The following PIK3C2A variants were observed in gnomAD, a reference collection of about 807,000 sequenced individuals.
PIK3C2A encodes phosphatidylinositol-4-phosphate 3-kinase catalytic subunit type 2 alpha.
PIK3C2A carries 97 observed loss-of-function variants against 204.5 expected under a neutral mutation model. The observed-to-expected ratio is 0.47, with a 90% CI of 0.40 to 0.56. The LOEUF (loss-of-function observed/expected upper bound fraction) is 0.56, where lower values mean the gene tolerates loss of function less well. PIK3C2A is among the 20% of genes least tolerant of loss of function. The pLI, the probability that PIK3C2A is intolerant of heterozygous loss-of-function variation, is 0.00. For missense variants in PIK3C2A, 1,735 were observed against 1,969.2 expected, an observed-to-expected ratio of 0.88 and a Z score of 2.25; for synonymous variants, 653 against 664.4, an observed-to-expected ratio of 0.98 and a Z score of 0.26.
intron 1 of PIK3C2A, among the ~76,000 whole-genome samples, chr11:17,176,195 T>TG (rs1405981200): frequency 1.3e-4 from 19 of 151,562 alleles, no homozygotes; most frequent in African/African-American, 4.6e-4. Flanking sequence ...TTAGTAGAGA[T>TG]GGGGTTTCAC....
At chr11:17,162,810 T>G (rs1030024411) in intron 2 of PIK3C2A, among the ~76,000 whole-genome samples, 1 of 152,208 alleles carries the variant, frequency 6.6e-6, no homozygotes, top group African/African-American at 2.4e-5. Flanking sequence ...GTTAAATATG[T>G]CTAAAGTTTT....
intron 4 of PIK3C2A, among the ~76,000 whole-genome samples, chr11:17,149,438 C>A (rs1850357691): frequency 6.6e-6 from 1 of 152,036 alleles, no homozygotes; most frequent in Non-Finnish European, 1.5e-5. Flanking sequence ...ATTTGAGCAT[C>A]CTGGGATTTT....
intron 1 of PIK3C2A, among the ~76,000 whole-genome samples, chr11:17,179,938 A>G (rs1450138713): frequency 8.5e-5 from 13 of 152,216 alleles, no homozygotes. Flanking sequence ...TTCTATCATG[A>G]AAACAAGACA....
At chr11:17,101,770 A>C in intron 24 of PIK3C2A, among the ~76,000 whole-genome samples, 1 of 151,346 alleles carries the variant, frequency 6.6e-6, no homozygotes, top group African/African-American at 2.4e-5. Context: ...CGCCCGGCTA[A>C]TTTTTTGTAT....
chr11:17,202,720 A>T (rs1852432450), intron 1 of PIK3C2A, among the ~76,000 whole-genome samples: 1 of 152,236 alleles, frequency 6.6e-6, no homozygotes, highest in Admixed American at 6.5e-5. Flanking sequence ...CACAGGTAAT[A>T]AGGTCTTGGA....
chr11:17,096,910 G>T, intron 27 of PIK3C2A, 147 bp downstream of exon 27: 1 of 583,080 alleles, frequency 1.7e-6, no homozygotes, highest in Non-Finnish European at 3.0e-6. Context: ...GATGCTTCAA[G>T]TACATTTACT....
At chr11:17,195,608 G>A (rs1852122203) in intron 1 of PIK3C2A, among the ~76,000 whole-genome samples, 1 of 151,526 alleles carries the variant, frequency 6.6e-6, no homozygotes, top group Admixed American at 6.6e-5. Context: ...CATAGCAGTC[G>A]TTGTTGCTGT....
chr11:17,193,622 T>G, intron 1 of PIK3C2A: 10 of 308,036 alleles, frequency 3.2e-5, no homozygotes, highest in South Asian at 2.6e-4. Context: ...CCAAGGCGGG[T>G]GGATCACGAG....
intron 16 of PIK3C2A, 26 bp from the exon 17 acceptor site, chr11:17,119,339 T>C (rs760617671): frequency 1.5e-6 from 2 of 1,337,488 alleles, no homozygotes; most frequent in Middle Eastern, 1.8e-4. Context: ...AAAACCAAGA[T>C]TGGACAGTGA....
In PIK3C2A at chr11:17,088,960, A is replaced by G. The variant is rs529614912; in HGVS notation, c.*778T>C. On this transcript the variant is annotated 3_prime_UTR_variant, in exon 33 of 33. Transcript: ENST00000691414. ...TTAACTATTTAGATAACTAATTCAT[A>G]CATCAGAAGTAAAGGATTTTTTTGT... 2.0e-5 allele frequency: 3 copies of G among 152,390 alleles called. No homozygotes were observed. The South Asian group carries it at 6.2e-4, about 32-fold the overall frequency. The allele number at this position is 152,390 out of a possible 1,614,324, so 9.4% of individuals were successfully genotyped here.
chr11:17,138,325 CTTTTTT>C, intron 8 of PIK3C2A: 1 of 350,602 alleles, frequency 2.9e-6, no homozygotes, highest in South Asian at 3.5e-5. Context: ...AGCCAGCTTC[CTTTTTT>C]TTTTTTTTTT....
intron 1 of PIK3C2A, among the ~76,000 whole-genome samples, chr11:17,176,450 G>GTAAA (rs147139765): frequency 1.7e-4 from 25 of 150,616 alleles, no homozygotes; most frequent in African/African-American, 5.6e-4. Context: ...CCCTATCTCT[G>GTAAA]TAAATAAATA....
intron 20 of PIK3C2A, among the ~76,000 whole-genome samples, chr11:17,112,959 G>A (rs1173294852): frequency 1.3e-5 from 2 of 151,584 alleles, no homozygotes; most frequent in African/African-American, 2.4e-5. Flanking sequence ...CTAAACACCT[G>A]TTCCTTTGAA....
intron 20 of PIK3C2A, among the ~76,000 whole-genome samples, chr11:17,113,230 CT>C: frequency 6.6e-6 from 1 of 152,172 alleles, no homozygotes; most frequent in East Asian, 1.9e-4. Flanking sequence ...CGCAAAAATA[CT>C]TTTTGAAACT....
chr11:17,148,343 A>C (rs1850315398), intron 5 of PIK3C2A: 1 of 199,696 alleles, frequency 5.0e-6, no homozygotes, highest in Admixed American at 5.5e-5. Context: ...AGAGGAATAT[A>C]GTCTATAATG....
chr11:17,150,404 C>T, intron 4 of PIK3C2A, 94 bp downstream of exon 4: 1 of 1,131,762 alleles, frequency 8.8e-7, no homozygotes, highest in Non-Finnish European at 1.2e-6. Context: ...AGACACATAA[C>T]AAAATTGGTT....
intron 1 of PIK3C2A, among the ~76,000 whole-genome samples, chr11:17,189,812 CAAAA>C (rs759869051): frequency 1.7e-5 from 1 of 60,360 alleles, no homozygotes; most frequent in Middle Eastern, 0.012. Flanking sequence ...GGCTCTGTCT[CAAAA>C]AAAAAAAAAA....
At position 17,086,877 on chromosome 11, in the gene PIK3C2A, C is replaced by T. The variant is rs1323423678; in HGVS notation, c.*2861G>A. Reference sequence around the variant, plus strand: ...TTTTAAATGTCACAATATTTGAATCCTAGAAAGAATAGGCAACTAATTTAA... The same window carrying T: ...TTTTAAATGTCACAATATTTGAATCTTAGAAAGAATAGGCAACTAATTTAA... On this transcript the variant is annotated 3_prime_UTR_variant, in exon 33 of 33. Transcript: ENST00000691414. The T allele has an allele frequency of 6.6e-6, 1 of 151,858 alleles. No homozygotes were observed. Among genetic ancestry groups the T allele is most frequent in the East Asian group, 1.9e-4 (1 of 5,192 alleles). 9.4% of individuals were successfully genotyped at this position (151,858 alleles called of 1,614,324 possible).
intron 2 of PIK3C2A, among the ~76,000 whole-genome samples, chr11:17,162,952 G>T (rs917952907): frequency 9.9e-5 from 15 of 152,130 alleles, no homozygotes; most frequent in Non-Finnish European, 1.0e-4. Flanking sequence ...TAGGACAACA[G>T]ATTTTAAAAT....
Sources: allele counts gnomAD v4.1 joint callset (sites outside exome capture counted in the v4.1 genomes callset), GRCh38; gene constraint gnomAD v4.1.1; transcripts MANE v1.5; gene names NCBI Gene and HGNC (gene_info 2026-07-23, HGNC 2026-07-21).